Variants in CASP10 observed in about 807,000 individuals in gnomAD.
The protein encoded by CASP10 is caspase-10.
A neutral mutation model predicts 48.5 loss-of-function variants in CASP10; 41 were observed. The ratio of observed to expected loss-of-function variants is 0.85; its 90% CI spans 0.66 to 1.10. CASP10 has a LOEUF of 1.10. Among genes scored for constraint, CASP10 ranks in the 50% least tolerant of loss-of-function variants. The pLI, the probability that CASP10 is intolerant of heterozygous loss-of-function variation, is 0.00. For missense variants in CASP10, 614 were observed against 614.5 expected (o/e 1.00, Z 0.01); for synonymous variants, 232 against 238.4 (o/e 0.97, Z 0.25).
At chr2:201,206,482 A>G (rs900343480) in intron 7 of CASP10, among the ~76,000 whole-genome samples, 2 of 149,320 alleles carry the variant, frequency 1.3e-5, no homozygotes, top group Non-Finnish European at 3.0e-5. Flanking sequence ...ATATACAGCC[A>G]TCTTTATATA....
intron 3 of CASP10, among the ~76,000 whole-genome samples, chr2:201,190,291 T>TACAC (rs144974555): frequency 6.6e-6 from 1 of 150,838 alleles, no homozygotes; most frequent in African/African-American, 2.4e-5. Flanking sequence ...CACATATGTA[T>TACAC]ACACACACAC....
Position 201,200,533 on chromosome 2 carries a change from G to A in CASP10, c.685-3197G>A, listed in dbSNP as rs201737137. 4.8e-4 allele frequency: 760 copies of A among 1,597,654 alleles called. 5 individuals are homozygous for A. In the Middle Eastern group the frequency reaches 1.0e-2, roughly 21 times the overall value. On this transcript the variant is annotated intron_variant, in intron 5 of 9. Coordinates refer to ENST00000286186, the MANE Select transcript of CASP10 (RefSeq NM_032977.4). ...GGAGCTTGGCAAAGGCTGGGCAAAC[G>A]CCCACCTGAAGACTATGCAGGCAAT...
intron 5 of CASP10, among the ~76,000 whole-genome samples, chr2:201,200,104 C>T (rs539857208): frequency 6.6e-6 from 1 of 152,142 alleles, no homozygotes; most frequent in African/African-American, 2.4e-5. Flanking sequence ...TCTGGAAATA[C>T]GTCATGTCCA....
intron 9 of CASP10, 134 bp downstream of exon 9, chr2:201,209,696 TA>T: frequency 2.3e-6 from 2 of 852,212 alleles, no homozygotes; most frequent in Non-Finnish European, 3.5e-6. Context: ...ACCATCTGCC[TA>T]CCCTCCTGTT....
Position 201,187,734 on chromosome 2 carries a change from A to C in CASP10, c.376A>C (p.Ile126Leu). The C allele has an allele frequency of 1.2e-6, 2 of 1,614,112 alleles. No individual in the cohort carries two copies. The highest frequency in any genetic ancestry group is 1.7e-6 in the Non-Finnish European group (2 of 1,179,974). Residue 126 changes from isoleucine (I) to leucine (L), a missense_variant, in exon 3 of 10, where the codon ATT (isoleucine) becomes CTT (leucine). Ile to Leu is a conservative substitution (Grantham distance 5). Coordinates refer to ENST00000286186, the MANE Select transcript of CASP10 (RefSeq NM_032977.4). ...RNLLYELSEG[I>L]DSENLKDMIF... is the part of the protein sequence containing the mutation. Reference sequence around the variant, plus strand: ...CCTGCTCTACGAACTGTCAGAAGGCATTGACTCAGAGAACTTAAAGGACAT... The same window carrying C: ...CCTGCTCTACGAACTGTCAGAAGGCCTTGACTCAGAGAACTTAAAGGACAT...
chr2:201,226,883 C>T (rs1945794005), intron 9 of CASP10, among the ~76,000 whole-genome samples: 1 of 152,016 alleles, frequency 6.6e-6, no homozygotes, highest in Non-Finnish European at 1.5e-5. Flanking sequence ...CAATTTCATA[C>T]AGTTTAAATA....
chr2:201,212,947 G>T (rs1334454473), intron 9 of CASP10: 5 of 152,192 alleles, frequency 3.3e-5, no homozygotes. Flanking sequence ...TGGGAATGAG[G>T]CTAATGGTGA....
At chr2:201,227,027 T>A (rs763377359) in intron 9 of CASP10, among the ~76,000 whole-genome samples, 3 of 151,988 alleles carry the variant, frequency 2.0e-5, no homozygotes, top group African/African-American at 7.3e-5. Flanking sequence ...TACAGATGCA[T>A]GGGGGTGATG....
In CASP10 at chr2:201,220,540, A is replaced by C. The variant is rs1945696313; in HGVS notation, c.*2799A>C. 1 of 158,432 alleles carries C rather than the reference A, an allele frequency of 6.3e-6. No homozygotes were observed. The highest frequency in any genetic ancestry group is 2.4e-5 in the African/African-American group (1 of 41,606). The allele number at this position is 158,432 out of a possible 1,614,324, so 9.8% of individuals were successfully genotyped here. A position where few individuals can be genotyped will look rare whatever the true frequency, so the allele number is the denominator to read the frequency against. On this transcript the variant is annotated 3_prime_UTR_variant, in exon 10 of 10. Coordinates refer to ENST00000286186, the MANE Select transcript of CASP10 (RefSeq NM_032977.4). ...ACACAACTCTCCCTCCCAGATAAGC[A>C]CAGCAAAGAGACATAGAAGCAATCC...
intron 1 of CASP10, 141 bp from the exon 2 acceptor site, chr2:201,185,630 C>T (rs41427450): frequency 4.0e-5 from 27 of 674,242 alleles, no homozygotes; most frequent in African/African-American, 3.6e-4. Flanking sequence ...GTAGCCTCGC[C>T]GTAATTTTTA....
intron 3 of CASP10, among the ~76,000 whole-genome samples, chr2:201,188,968 T>C (rs1944511198): frequency 6.6e-6 from 1 of 151,920 alleles, no homozygotes; most frequent in African/African-American, 2.4e-5. Flanking sequence ...CCTCCTGGGT[T>C]CAAGCGATTC....
intron 7 of CASP10, among the ~76,000 whole-genome samples, chr2:201,207,243 G>A (rs1386378448): frequency 6.6e-6 from 1 of 152,218 alleles, no homozygotes; most frequent in African/African-American, 2.4e-5. Flanking sequence ...GAGTTGCAGA[G>A]TAGTCAGAAT....
chr2:201,195,068 C>G (rs578045731), intron 4 of CASP10, among the ~76,000 whole-genome samples: 1 of 151,828 alleles, frequency 6.6e-6, no homozygotes, highest in African/African-American at 2.4e-5. Flanking sequence ...TGAGCCACCG[C>G]GCCCGGCTTG....
At chr2:201,196,810 T>G (rs1423177530) in intron 5 of CASP10, among the ~76,000 whole-genome samples, 1 of 152,196 alleles carries the variant, frequency 6.6e-6, no homozygotes, top group Non-Finnish European at 1.5e-5. Flanking sequence ...AGTAAAACTT[T>G]GTACCCATTA....
chr2:201,201,777 T>G (rs1469510139), intron 5 of CASP10, among the ~76,000 whole-genome samples: 1 of 152,172 alleles, frequency 6.6e-6, no homozygotes, highest in Non-Finnish European at 1.5e-5. Flanking sequence ...TGGTGAAACA[T>G]CTCATGTTTC....
intron 5 of CASP10, among the ~76,000 whole-genome samples, chr2:201,198,615 A>G (rs1313370542): frequency 1.5e-5 from 2 of 135,032 alleles, no homozygotes; most frequent in Non-Finnish European, 3.0e-5. Flanking sequence ...ATCTCAGCTC[A>G]CTGCAAGCTC....
At chr2:201,215,141 A>G (rs796678511) in intron 9 of CASP10, among the ~76,000 whole-genome samples, 1 of 150,104 alleles carries the variant, frequency 6.7e-6, no homozygotes, top group Non-Finnish European at 1.5e-5. Flanking sequence ...ATGTATTCTA[A>G]ATATTAACTC....
chr2:201,209,733 A>G (rs549915250), intron 9 of CASP10, among the ~76,000 whole-genome samples, 171 bp downstream of exon 9: 7 of 152,150 alleles, frequency 4.6e-5, no homozygotes, highest in African/African-American at 7.2e-5. Context: ...CTATCCACCC[A>G]TTCATCTATC....
chr2:201,228,934 A>G, exon 10 of CASP10: 2 of 1,614,110 alleles, frequency 1.2e-6, no homozygotes, highest in South Asian at 2.2e-5. Context: ...GCTCAGTAGG[A>G]TGCTGAAATT....
Sources: allele counts gnomAD v4.1 joint callset (sites outside exome capture counted in the v4.1 genomes callset), GRCh38; gene constraint gnomAD v4.1.1; transcripts MANE v1.5; gene names NCBI Gene and HGNC (gene_info 2026-07-23, HGNC 2026-07-21).